CDC42SE2: variants seen among roughly 807,000 people sequenced by gnomAD.
CDC42SE2 encodes CDC42 small effector protein 2.
CDC42SE2 carries 3 observed loss-of-function variants against 11.5 expected under a neutral mutation model. That is an observed-to-expected ratio of 0.26 (90% CI 0.12 to 0.67). CDC42SE2 has a LOEUF of 0.67. CDC42SE2 is among the 30% of genes least tolerant of loss of function. The probability of loss-of-function intolerance (pLI) is 0.80; values close to 1 mark genes in which losing one functional copy is unlikely to be tolerated. For missense variants in CDC42SE2, 82 were observed against 106.8 expected, an observed-to-expected ratio of 0.77 and a Z score of 1.02; for synonymous variants, 33 against 34.8, an observed-to-expected ratio of 0.95 and a Z score of 0.18.
chr5:131,359,511 G>A lies in CDC42SE2; in HGVS notation c.18G>A (p.Leu6=), dbSNP rs1749647723. 1.2e-6 allele frequency: 2 copies of A among 1,613,380 alleles called. No individual in the cohort carries two copies. The highest frequency in any genetic ancestry group is 1.7e-6 in the Non-Finnish European group (2 of 1,179,324). ...CTGTAAGCATGAGTGAATTCTGGTT[G>A]TGTTTCAACTGCTGTATTGCAGAAC... MSEFW[L]CFNCCIAEQP... is the part of the protein sequence containing the mutation. The change falls in exon 3 of 5, where the codon TTG becomes TTA. Residue 6 remains leucine, a synonymous_variant. Transcript: ENST00000505065.
intron 2 of CDC42SE2, among the ~76,000 whole-genome samples, chr5:131,321,164 T>G (rs1183118340): frequency 6.6e-6 from 1 of 152,248 alleles, no homozygotes; most frequent in Admixed American, 6.5e-5. Context: ...GTTTCACTTC[T>G]TGGAATTTAT....
In CDC42SE2 at chr5:131,375,031, CTTTTT is replaced by C. The variant is rs371146670; in HGVS notation, c.55-10499_55-10495del. Among the ~76,000 whole-genome samples, 292 of 138,632 alleles carry C rather than the reference CTTTTT, an allele frequency of 2.1e-3. 1 individual carries two copies. Among genetic ancestry groups the C allele is most frequent in the African/African-American group, 7.4e-3 (279 of 37,900 alleles). The allele number at this position is 138,632 out of a possible 152,430, so 90.9% of individuals were successfully genotyped here. A position where few individuals can be genotyped will look rare whatever the true frequency, so the allele number is the denominator to read the frequency against. Reference sequence around the variant, plus strand: ...CTAGTTCAGATTAGTTTCTCCCCTCCTTTTTTTTTTTTTTTTTAACCTATTTTGTG... The same window carrying C: ...CTAGTTCAGATTAGTTTCTCCCCTCCTTTTTTTTTTTTAACCTATTTTGTG... On this transcript the variant is annotated intron_variant, in intron 3 of 4. Transcript: ENST00000505065.
intron 1 of CDC42SE2, chr5:131,245,683 A>C (rs1255047634): frequency 6.6e-6 from 1 of 152,188 alleles, no homozygotes; most frequent in Non-Finnish European, 1.5e-5. Context: ...TTCTTTAAAA[A>C]TCCCAGTGTC....
At chr5:131,360,450 A>G (rs1749675183) in intron 3 of CDC42SE2, among the ~76,000 whole-genome samples, 1 of 152,120 alleles carries the variant, frequency 6.6e-6, no homozygotes, top group Non-Finnish European at 1.5e-5. Context: ...GCCTAAATAA[A>G]ATGTTACTTA....
rs536347219 is a variant in CDC42SE2, at chr5:131,256,815, C to T, written n.242+1586C>T. ...TGAATCTTTCTGACTTCTCTTTCTGCCATCAGCCAGAGAAAACTCTTCACT... is the reference window on the plus strand; with the variant it reads ...TGAATCTTTCTGACTTCTCTTTCTGTCATCAGCCAGAGAAAACTCTTCACT... On this transcript the variant is annotated intron_variant and non_coding_transcript_variant, in intron 2 of 3. Transcript: ENST00000502840. 2.0e-5 allele frequency among the ~76,000 whole-genome samples: 3 copies of T among 152,328 alleles called. No individual in the cohort carries two copies. In the South Asian group the frequency reaches 6.2e-4, roughly 32 times the overall value.
the CDC42SE2 span, among the ~76,000 whole-genome samples, chr5:131,228,707 C>T: frequency 3.9e-5 from 6 of 152,078 alleles, no homozygotes; most frequent in Admixed American, 3.3e-4. Context: ...CCCAGTGTGG[C>T]TCTATTTGGT....
intron 2 of CDC42SE2, among the ~76,000 whole-genome samples, chr5:131,348,431 C>A (rs367827006): frequency 6.6e-6 from 1 of 152,086 alleles, no homozygotes; most frequent in Admixed American, 6.5e-5. Context: ...ATCCAACTTA[C>A]AAGGAATGTG....
intron 2 of CDC42SE2, among the ~76,000 whole-genome samples, chr5:131,349,793 A>T (rs1193334901): frequency 6.6e-6 from 1 of 152,238 alleles, no homozygotes; most frequent in Non-Finnish European, 1.5e-5. Context: ...AATTAGGAAT[A>T]ATTCAAATGC....
intron 3 of CDC42SE2, among the ~76,000 whole-genome samples, chr5:131,369,057 A>T (rs1749941470): frequency 6.6e-6 from 1 of 152,176 alleles, no homozygotes; most frequent in African/African-American, 2.4e-5. Flanking sequence ...CAACACCTGG[A>T]GGAACTGCTG....
chr5:131,365,842 T>C (rs1051453250), intron 3 of CDC42SE2, among the ~76,000 whole-genome samples: 6 of 151,468 alleles, frequency 4.0e-5, no homozygotes, highest in African/African-American at 7.3e-5. Flanking sequence ...ATTAGCCGGG[T>C]GTGGTGGCGG....
At chr5:131,358,047 T>C (rs1749602861) in intron 2 of CDC42SE2, among the ~76,000 whole-genome samples, 1 of 152,210 alleles carries the variant, frequency 6.6e-6, no homozygotes, top group African/African-American at 2.4e-5. Context: ...ACTTCTCTTT[T>C]TCTACCTATG....
intron 2 of CDC42SE2, among the ~76,000 whole-genome samples, chr5:131,353,930 G>T (rs1017940561): frequency 1.3e-5 from 2 of 150,906 alleles, no homozygotes; most frequent in Non-Finnish European, 3.0e-5. Flanking sequence ...AAAAATTATC[G>T]TTTAAAAATA....
At chr5:131,354,648 T>C (rs567826759) in intron 2 of CDC42SE2, 1 of 152,328 alleles carries the variant, frequency 6.6e-6, no homozygotes, top group East Asian at 1.9e-4. Context: ...CATTTTTTTC[T>C]AGATAGATTT....
chr5:131,260,530 GGAGA>G (rs1489944845), upstream of CDC42SE2, among the ~76,000 whole-genome samples: 1 of 151,010 alleles, frequency 6.6e-6, no homozygotes, highest in African/African-American at 2.4e-5. Context: ...GGCTGAAGGA[GGAGA>G]GAATCACTTG....
intron 1 of CDC42SE2, among the ~76,000 whole-genome samples, chr5:131,312,105 T>G (rs1757931791): frequency 6.6e-6 from 1 of 152,184 alleles, no homozygotes; most frequent in East Asian, 1.9e-4. Flanking sequence ...ATGATGGTGA[T>G]GTACAGATGG....
chr5:131,309,710 C>T (rs944240750), intron 1 of CDC42SE2, among the ~76,000 whole-genome samples: 25 of 151,850 alleles, frequency 1.6e-4, no homozygotes, highest in African/African-American at 6.0e-4. Context: ...TCCATTTCTT[C>T]TAGATTTTCT....
At chr5:131,356,408 A>G (rs1437289162) in intron 2 of CDC42SE2, among the ~76,000 whole-genome samples, 1 of 152,220 alleles carries the variant, frequency 6.6e-6, no homozygotes, top group Non-Finnish European at 1.5e-5. Flanking sequence ...TGTTTTACAT[A>G]TATATACTTT....
At position 131,247,702 on chromosome 5, in the gene CDC42SE2, C is replaced by T. The variant is rs993487288; in HGVS notation, n.107+2103C>T. 1.6e-4 allele frequency among the ~76,000 whole-genome samples: 25 copies of T among 152,184 alleles called. 1 individual carries two copies. The highest frequency in any genetic ancestry group is 5.2e-4 in the Admixed American group (8 of 15,280). ...TCTCACTCAGGCTGGAGTGCAGTGGCGGGATCATAGCTCATTGTAACCTGG... is the reference window on the plus strand; with the variant it reads ...TCTCACTCAGGCTGGAGTGCAGTGGTGGGATCATAGCTCATTGTAACCTGG... On this transcript the variant is annotated intron_variant and non_coding_transcript_variant, in intron 1 of 3. Coordinates refer to the CDC42SE2 transcript ENST00000502840.
intron 1 of CDC42SE2, among the ~76,000 whole-genome samples, chr5:131,305,431 G>A (rs1422847651): frequency 6.6e-6 from 1 of 152,176 alleles, no homozygotes; most frequent in African/African-American, 2.4e-5. Context: ...AAGCAAGTAC[G>A]TATATAGATT....
Sources: allele counts gnomAD v4.1 joint callset (sites outside exome capture counted in the v4.1 genomes callset), GRCh38; gene constraint gnomAD v4.1.1; transcripts MANE v1.5; gene names NCBI Gene and HGNC (gene_info 2026-07-23, HGNC 2026-07-21).